The following TPO variants were observed in gnomAD, a reference collection of about 807,000 sequenced individuals.
The protein encoded by TPO is thyroid peroxidase.
A neutral mutation model predicts 96.9 loss-of-function variants in TPO; 78 were observed. The ratio of observed to expected loss-of-function variants is 0.81; its 90% CI spans 0.67 to 0.97. The LOEUF is 0.97. Ranked by LOEUF, TPO falls within the 50% of genes least tolerant of loss-of-function variation. TPO has a pLI of 0.00. For synonymous variants in TPO, 547 were observed against 538.0 expected, an observed-to-expected ratio of 1.02 and a Z score of -0.23; for missense variants, 1,252 against 1,274.8, an observed-to-expected ratio of 0.98 and a Z score of 0.27.
In TPO at chr2:1,496,824, C is replaced by T. The variant is rs13429459; in HGVS notation, c.2386+59C>T. 14,339 of 1,611,178 alleles carry T rather than the reference C, an allele frequency of 8.9e-3. 1,087 individuals are homozygous for T. In the African/African-American group the frequency reaches 0.17, roughly 19 times the overall value. ...TCTGAATGTTTCCGATATAAGTTAACAATGCAATGTCATTGAAAATTTCTT... is the reference window on the plus strand; with the variant it reads ...TCTGAATGTTTCCGATATAAGTTAATAATGCAATGTCATTGAAAATTTCTT... On this transcript the variant is annotated intron_variant, in intron 13 of 16. Transcript: ENST00000329066.
chr2:1,528,302 C>G (rs553407785), intron 15 of TPO, among the ~76,000 whole-genome samples: 19 of 138,266 alleles, frequency 1.4e-4, no homozygotes, highest in African/African-American at 5.3e-4. Flanking sequence ...CACAAATTCC[C>G]CCACTGTGTG....
intron 15 of TPO, among the ~76,000 whole-genome samples, chr2:1,533,198 TCC>T (rs1678745283): frequency 2.3e-5 from 1 of 43,054 alleles, no homozygotes; most frequent in Non-Finnish European, 3.6e-5. Context: ...GTGTGCAATC[TCC>T]CCATATCCCC....
intron 7 of TPO, among the ~76,000 whole-genome samples, chr2:1,457,382 TG>T (rs1298022857): frequency 0.21 from 20,863 of 97,908 alleles, 8,275 homozygotes; most frequent in East Asian, 0.45. Flanking sequence ...TGTATGATAC[TG>T]TGGGTACACA....
At position 1,431,838 on chromosome 2, in the gene TPO, A is replaced by G. The variant is rs549226119; in HGVS notation, c.180-1600A>G. On this transcript the variant is annotated intron_variant, in intron 3 of 16. Transcript: ENST00000329066. ...AACAACTGAAGAGAACAACTAGGTC[A>G]CTTTTCCCAAAGCCACAGTAGGTGA... Among the ~76,000 whole-genome samples, 8 of 152,392 alleles carry G rather than the reference A, an allele frequency of 5.2e-5. 1 individual carries two copies. The highest frequency in any genetic ancestry group is 3.4e-3 in the Middle Eastern group (1 of 294).
intron 7 of TPO, among the ~76,000 whole-genome samples, chr2:1,463,651 C>T (rs1668641395): frequency 6.6e-6 from 1 of 152,210 alleles, no homozygotes; most frequent in African/African-American, 2.4e-5. Context: ...AGCTTTGCAG[C>T]ATCCTCTATT....
chr2:1,493,217 G>GC (rs201445947), intron 10 of TPO, among the ~76,000 whole-genome samples: 5,670 of 118,562 alleles, frequency 0.048, 407 homozygotes, highest in East Asian at 0.16. Context: ...GGTGGGGGGG[G>GC]GGGTGCTGGC....
At position 1,414,480 on chromosome 2, in the gene TPO, G is replaced by T. The variant is rs771109087; in HGVS notation, c.72G>T (p.Ser24=). 6.2e-7 allele frequency: 1 copy of T among 1,613,974 alleles called. No homozygotes were observed. Among genetic ancestry groups the T allele is most frequent in the Non-Finnish European group, 8.5e-7 (1 of 1,179,978 alleles). Residue 24 remains serine, a synonymous_variant, in exon 2 of 17, where the codon TCG becomes TCT. Coordinates refer to ENST00000329066, the MANE Select transcript of TPO (RefSeq NM_001206744.2). ...ACTEAFFPFI[S]RGKELLWGKP... is the part of the protein sequence containing the mutation. ...CAGAAGCCTTCTTCCCCTTCATCTC[G>T]AGAGGGAAAGAACTCCTTTGGGGTA...
At chr2:1,540,480 T>C (rs1680606147) in intron 15 of TPO, 114 bp from the exon 16 acceptor site, 1 of 1,595,392 alleles carries the variant, frequency 6.3e-7, no homozygotes, top group Non-Finnish European at 8.5e-7. Context: ...TGGGTTGGAG[T>C]GTTCCTGCCA....
intron 1 of TPO, among the ~76,000 whole-genome samples, chr2:1,391,030 T>G (rs1661992003): frequency 6.6e-6 from 1 of 152,206 alleles, no homozygotes; most frequent in Non-Finnish European, 1.5e-5. Flanking sequence ...AGCTCTTTAG[T>G]TTAATTAGAT....
At chr2:1,404,657 A>C (rs1263355153) in intron 1 of TPO, among the ~76,000 whole-genome samples, 1 of 152,118 alleles carries the variant, frequency 6.6e-6, no homozygotes, top group African/African-American at 2.4e-5. Context: ...CCCGGCCAAC[A>C]TCTGACTCTT....
intron 15 of TPO, among the ~76,000 whole-genome samples, chr2:1,538,947 C>T (rs193106827): frequency 2.6e-5 from 4 of 152,258 alleles, no homozygotes. Context: ...GCCAACCTCT[C>T]CCTCTGTCTT....
intron 5 of TPO, among the ~76,000 whole-genome samples, chr2:1,452,823 C>T (rs2148577973): frequency 6.6e-6 from 1 of 152,316 alleles, no homozygotes; most frequent in African/African-American, 2.4e-5. Context: ...TGCTCTGAGA[C>T]ATATCAAGTG....
intron 14 of TPO, among the ~76,000 whole-genome samples, chr2:1,514,645 T>C (rs1674498628): frequency 6.6e-6 from 1 of 152,212 alleles, no homozygotes; most frequent in South Asian, 2.1e-4. Context: ...GTGACCTTTG[T>C]GATGCCCCCG....
chr2:1,429,568 C>A (rs1428635721), intron 3 of TPO, among the ~76,000 whole-genome samples: 1 of 152,136 alleles, frequency 6.6e-6, no homozygotes, highest in Non-Finnish European at 1.5e-5. Flanking sequence ...AAGTTTAGAA[C>A]TTCCTAGAGA....
chr2:1,493,634 C>A (rs1165508722), intron 10 of TPO, among the ~76,000 whole-genome samples, 168 bp from the exon 11 acceptor site: 1 of 149,774 alleles, frequency 6.7e-6, no homozygotes, highest in Non-Finnish European at 1.5e-5. Context: ...CTCTGCCGGG[C>A]GTCGGAGCTG....
intron 7 of TPO, among the ~76,000 whole-genome samples, chr2:1,457,394 T>TGC (rs1667913268): frequency 3.5e-5 from 1 of 28,280 alleles, no homozygotes; most frequent in Non-Finnish European, 9.5e-5. Context: ...TGGGTACACA[T>TGC]ATATATAGCA....
chr2:1,380,940 C>T (rs1661800387), intron 1 of TPO, among the ~76,000 whole-genome samples: 3 of 151,976 alleles, frequency 2.0e-5, no homozygotes, highest in African/African-American at 7.3e-5. Context: ...GGGGCAGGAG[C>T]AAGAGAAAAC....
At chr2:1,428,379 A>G (rs1388777907) in intron 3 of TPO, among the ~76,000 whole-genome samples, 1 of 152,202 alleles carries the variant, frequency 6.6e-6, no homozygotes, top group African/African-American at 2.4e-5. Context: ...CAGAACATGG[A>G]CATGACGGGA....
At chr2:1,422,013 G>T (rs1205346009) in intron 2 of TPO, among the ~76,000 whole-genome samples, 2 of 152,186 alleles carry the variant, frequency 1.3e-5, no homozygotes, top group African/African-American at 4.8e-5. Context: ...CTTGCCCCAG[G>T]GAGCCCCACA....
Sources: gnomAD v4.1 joint callset for allele counts (sites outside exome capture counted in the v4.1 genomes callset) on GRCh38, gnomAD v4.1.1 for gene constraint, MANE v1.5 for transcripts, NCBI Gene and HGNC (gene_info 2026-07-23, HGNC 2026-07-21) for gene names.